The following PTPRM variants were observed in gnomAD, a reference collection of about 807,000 sequenced individuals.
PTPRM encodes the protein receptor-type tyrosine-protein phosphatase mu.
PTPRM carries 47 observed loss-of-function variants against 186.7 expected under a neutral mutation model. That is an observed-to-expected ratio of 0.25 (90% CI 0.20 to 0.32). The LOEUF is 0.32. Ranked by LOEUF, PTPRM falls within the 10% of genes least tolerant of loss-of-function variation. The probability of loss-of-function intolerance (pLI) is 1.00; values close to 1 mark genes in which losing one functional copy is unlikely to be tolerated. For synonymous variants in PTPRM, 668 were observed against 674.9 expected (o/e 0.99, Z 0.16); for missense variants, 1,494 against 1,865.0 (o/e 0.80, Z 3.66).
chr18:8,248,851 A>C (rs2094501323), intron 17 of PTPRM, among the ~76,000 whole-genome samples: 1 of 152,314 alleles, frequency 6.6e-6, no homozygotes, highest in African/African-American at 2.4e-5. Context: ...AAATGAACTA[A>C]GGTGTTAGCC....
chr18:7,629,791 A>T (rs1210141338), intron 1 of PTPRM, among the ~76,000 whole-genome samples: 1 of 152,162 alleles, frequency 6.6e-6, no homozygotes, highest in Admixed American at 6.5e-5. Flanking sequence ...GCAGACCCAC[A>T]CACTCAAAAT....
At chr18:8,345,973 G>A (rs955849232) in intron 23 of PTPRM, among the ~76,000 whole-genome samples, 2 of 152,190 alleles carry the variant, frequency 1.3e-5, no homozygotes, top group African/African-American at 4.8e-5. Flanking sequence ...TAAGTGACCA[G>A]ACAAGGGGGG....
intron 22 of PTPRM, among the ~76,000 whole-genome samples, chr18:8,336,639 AGG>A (rs2095441110): frequency 2.0e-5 from 3 of 146,368 alleles, no homozygotes; most frequent in African/African-American, 5.2e-5. Flanking sequence ...GAGGAGGAGG[AGG>A]AAAAAGAAGG....
At chr18:7,947,141 A>C (rs186398087) in intron 5 of PTPRM, among the ~76,000 whole-genome samples, 1 of 152,342 alleles carries the variant, frequency 6.6e-6, no homozygotes, top group African/African-American at 2.4e-5. Flanking sequence ...TCAGTAATAA[A>C]GGTGGTACTT....
chr18:8,386,682 A>G lies in PTPRM; in HGVS notation c.4045-390A>G, dbSNP rs192391749. ...ATGCTCACAGGAAGCAGTGTTCTCTATCTTCACACTGAGCTCAGAGACATT... is the reference window on the plus strand; with the variant it reads ...ATGCTCACAGGAAGCAGTGTTCTCTGTCTTCACACTGAGCTCAGAGACATT... On this transcript the variant is annotated intron_variant, in intron 30 of 32. Coordinates refer to ENST00000580170, the MANE Select transcript of PTPRM (RefSeq NM_001105244.2). Among the ~76,000 whole-genome samples the G allele has an allele frequency of 2.2e-4, 33 of 152,342 alleles. No individual in the cohort carries two copies. In the East Asian group the frequency reaches 6.2e-3, roughly 29 times the overall value.
At chr18:8,151,373 G>A (rs2093001696) in intron 14 of PTPRM, among the ~76,000 whole-genome samples, 2 of 151,888 alleles carry the variant, frequency 1.3e-5, no homozygotes, top group African/African-American at 4.8e-5. Flanking sequence ...GCCTTGCTGA[G>A]CTGCAGTGGA....
chr18:7,624,382 A>G (rs2038010061), intron 1 of PTPRM, among the ~76,000 whole-genome samples: 1 of 152,156 alleles, frequency 6.6e-6, no homozygotes, highest in Admixed American at 6.5e-5. Flanking sequence ...CTACTGAACT[A>G]TGAGGATGGC....
intron 1 of PTPRM, among the ~76,000 whole-genome samples, chr18:7,598,622 T>C (rs1331912526): frequency 6.6e-6 from 1 of 152,230 alleles, no homozygotes; most frequent in Non-Finnish European, 1.5e-5. Flanking sequence ...TTTGCTGTAT[T>C]AATAGTATTG....
intron 14 of PTPRM, among the ~76,000 whole-genome samples, chr18:8,168,130 C>G (rs1423445668): frequency 6.6e-6 from 1 of 152,110 alleles, no homozygotes. Flanking sequence ...CATTAGTATG[C>G]CTTTTTTCAT....
At chr18:8,202,913 C>T (rs2093877922) in intron 14 of PTPRM, among the ~76,000 whole-genome samples, 1 of 152,192 alleles carries the variant, frequency 6.6e-6, no homozygotes. Context: ...GTATAGGTCT[C>T]CACAGGCCTC....
intron 2 of PTPRM, among the ~76,000 whole-genome samples, chr18:7,775,267 T>G (rs1370931580): frequency 2.0e-5 from 3 of 152,220 alleles, no homozygotes; most frequent in Non-Finnish European, 4.4e-5. Flanking sequence ...TCTTTATCAC[T>G]GTGGCTTCAC....
At chr18:8,226,823 T>C (rs1247589142) in intron 14 of PTPRM, among the ~76,000 whole-genome samples, 2 of 152,322 alleles carry the variant, frequency 1.3e-5, no homozygotes, top group East Asian at 3.9e-4. Context: ...CTGTGTTCCT[T>C]TCTGGGACTC....
intron 14 of PTPRM, among the ~76,000 whole-genome samples, chr18:8,144,223 A>G (rs1471163873): frequency 6.6e-6 from 1 of 152,214 alleles, no homozygotes; most frequent in South Asian, 2.1e-4. Context: ...GTGCTAGGGA[A>G]GGTCATCAGC....
chr18:8,271,961 C>T (rs2094777230), intron 19 of PTPRM, among the ~76,000 whole-genome samples: 1 of 152,066 alleles, frequency 6.6e-6, no homozygotes, highest in Admixed American at 6.5e-5. Flanking sequence ...CCTGTAATCC[C>T]AGCACTCTGG....
intron 1 of PTPRM, among the ~76,000 whole-genome samples, chr18:7,587,488 G>A (rs913658078): frequency 6.6e-6 from 1 of 151,728 alleles, no homozygotes; most frequent in Non-Finnish European, 1.5e-5. Context: ...CAAAATTGTT[G>A]AAAGCAAAAA....
At chr18:7,861,767 T>TGA (rs138096586) in intron 2 of PTPRM, among the ~76,000 whole-genome samples, 3,570 of 148,152 alleles carry the variant, frequency 0.024, 108 homozygotes, top group African/African-American at 0.082. Context: ...TGTGTGTGTG[T>TGA]GAGAGAGAGA....
At chr18:7,984,606 C>T (rs368153509) in intron 7 of PTPRM, among the ~76,000 whole-genome samples, 1,938 of 106,104 alleles carry the variant, frequency 0.018, 27 homozygotes, top group African/African-American at 0.058. Context: ...TATATATACA[C>T]ACACACACAC....
chr18:7,841,885 T>A (rs751023588), intron 2 of PTPRM, among the ~76,000 whole-genome samples: 1 of 152,216 alleles, frequency 6.6e-6, no homozygotes, highest in African/African-American at 2.4e-5. Flanking sequence ...AACCTACTTA[T>A]ATTTTGAAAT....
chr18:7,998,037 T>C (rs942938151), intron 7 of PTPRM, among the ~76,000 whole-genome samples: 1 of 152,142 alleles, frequency 6.6e-6, no homozygotes, highest in South Asian at 2.1e-4. Context: ...TATTTGGGTA[T>C]GTTGCAAAAG....
Sources: allele counts gnomAD v4.1 joint callset (sites outside exome capture counted in the v4.1 genomes callset), GRCh38; gene constraint gnomAD v4.1.1; transcripts MANE v1.5; gene names NCBI Gene and HGNC (gene_info 2026-07-23, HGNC 2026-07-21).